The following USP12 variants were observed in gnomAD, a reference collection of about 807,000 sequenced individuals.
The protein encoded by USP12 is ubiquitin carboxyl-terminal hydrolase 12.
A neutral mutation model predicts 45.5 loss-of-function variants in USP12; 19 were observed. The ratio of observed to expected loss-of-function variants is 0.42; its 90% confidence interval spans 0.29 to 0.61. The LOEUF is 0.61. Ranked by LOEUF, USP12 falls within the 20% of genes least tolerant of loss-of-function variation. The pLI is 0.22. For synonymous variants in USP12, 149 were observed against 148.8 expected, an observed-to-expected ratio of 1.00 and a Z score of -0.01; for missense variants, 242 against 447.7, an observed-to-expected ratio of 0.54 and a Z score of 4.15.
intron 8 of USP12, 133 bp downstream of exon 8, chr13:27,070,938 G>A: frequency 1.4e-6 from 1 of 718,020 alleles, no homozygotes; most frequent in Non-Finnish European, 2.2e-6. Context: ...GTAGGAATTA[G>A]ACTACAATCT....
chr13:27,095,892 A>ATT lies in USP12; in HGVS notation c.344-64_344-63dup, dbSNP rs1874557882. 6 of 1,266,696 alleles carry ATT rather than the reference A, an allele frequency of 4.7e-6. No homozygotes were observed. In the East Asian group the frequency reaches 7.7e-5, roughly 16 times the overall value. 78.5% of individuals were successfully genotyped at this position (1,266,696 alleles called of 1,614,324 possible). A position where few individuals can be genotyped will look rare whatever the true frequency, so the allele number is the denominator to read the frequency against. On this transcript the variant is annotated intron_variant, in intron 3 of 8. Coordinates refer to ENST00000282344, the MANE Select transcript of USP12 (RefSeq NM_182488.4). ...GAATTCATAACTTCATAAAAAACCA[A>ATT]TTTATAAAAGAATATCTAGTATTGG... is the stretch of plus-strand genomic sequence containing the variant.
chr13:27,152,038 G>A (rs1422663637), intron 1 of USP12, among the ~76,000 whole-genome samples: 1 of 152,142 alleles, frequency 6.6e-6, no homozygotes, highest in Non-Finnish European at 1.5e-5. Flanking sequence ...AATGGGAACA[G>A]CCATACACTG....
intron 6 of USP12, among the ~76,000 whole-genome samples, chr13:27,086,185 A>ATATATATATAT (rs1343835143): frequency 4.2e-4 from 25 of 58,840 alleles, no homozygotes; most frequent in Non-Finnish European, 6.1e-4. Context: ...AAAAAAAAAA[A>ATATATATATAT]AAAAAAAAAA....
intron 6 of USP12, among the ~76,000 whole-genome samples, chr13:27,086,189 AAAAAAAAAATAT>A (rs1223035699): frequency 0.022 from 1,800 of 81,912 alleles, 73 homozygotes; most frequent in Non-Finnish European, 0.022. Flanking sequence ...AAAAAAAAAA[AAAAAAAAAATAT>A]ATATATATAT....
intron 1 of USP12, among the ~76,000 whole-genome samples, chr13:27,157,084 T>C (rs1011328650): frequency 6.6e-6 from 1 of 152,214 alleles, no homozygotes; most frequent in African/African-American, 2.4e-5. Flanking sequence ...AAAAATGAAC[T>C]AATAATAACA....
At position 27,067,117 on chromosome 13, in the gene USP12, T is replaced by C. The variant is rs1177141428; in HGVS notation, c.*2166A>G. Reference sequence around the variant, plus strand: ...GCTTTAATATGAAATTTAACTTGGCTTTTACGGCATGTTTTTTTTTAATGC... The same window carrying C: ...GCTTTAATATGAAATTTAACTTGGCCTTTACGGCATGTTTTTTTTTAATGC... On this transcript the variant is annotated 3_prime_UTR_variant, in exon 9 of 9. Coordinates refer to ENST00000282344, the MANE Select transcript of USP12 (RefSeq NM_182488.4). 6.6e-6 allele frequency: 1 copy of C among 152,126 alleles called. No homozygotes were observed. Among genetic ancestry groups the C allele is most frequent in the Non-Finnish European group, 1.5e-5 (1 of 68,028 alleles). 9.4% of individuals were successfully genotyped at this position (152,126 alleles called of 1,614,324 possible).
rs552240173 is a variant in USP12, at chr13:27,117,999, C to T, written c.49-1403G>A. Among the ~76,000 whole-genome samples the T allele has an allele frequency of 6.1e-5, 9 of 147,720 alleles. No homozygotes were observed. In the South Asian group the frequency reaches 1.6e-3, roughly 26 times the overall value. On this transcript the variant is annotated intron_variant, in intron 1 of 8. Transcript: ENST00000282344. Reference sequence around the variant, plus strand: ...TGAATATGTTTACCTTGAAAATTCCCGGGAAAACATACTAGATAAATATAA... The same window carrying T: ...TGAATATGTTTACCTTGAAAATTCCTGGGAAAACATACTAGATAAATATAA...
rs781140620 is a variant in USP12 at position 27,089,845 on chromosome 13, AT to A, written c.734+37del. On this transcript the variant is annotated intron_variant, in intron 6 of 8. Coordinates refer to ENST00000282344, the MANE Select transcript of USP12 (RefSeq NM_182488.4). ...CCACCTCCAACATCAATTACAAAAA[AT>A]AAAATCACTTAAAAATCCATAAAGC... 46 of 1,590,078 alleles carry A rather than the reference AT, an allele frequency of 2.9e-5. No individual in the cohort carries two copies. In the African/African-American group the frequency reaches 3.8e-4, roughly 13 times the overall value.
intron 3 of USP12, among the ~76,000 whole-genome samples, chr13:27,098,950 C>A (rs1383398813): frequency 2.0e-5 from 3 of 152,126 alleles, no homozygotes; most frequent in Non-Finnish European, 4.4e-5. Flanking sequence ...AAACAAACAA[C>A]CGGCTGGAAG....
intron 2 of USP12, among the ~76,000 whole-genome samples, chr13:27,112,344 G>T (rs1875491833): frequency 6.7e-6 from 1 of 150,292 alleles, no homozygotes. Flanking sequence ...GGGGTGCAGT[G>T]GTATGATCAT....
intron 6 of USP12, among the ~76,000 whole-genome samples, chr13:27,076,592 C>T (rs1407875832): frequency 6.6e-6 from 1 of 152,094 alleles, no homozygotes; most frequent in Non-Finnish European, 1.5e-5. Flanking sequence ...AGAAAGCATT[C>T]CCTTCATTTT....
intron 3 of USP12, among the ~76,000 whole-genome samples, chr13:27,101,969 A>T (rs1874881012): frequency 6.6e-6 from 1 of 152,122 alleles, no homozygotes; most frequent in Admixed American, 6.5e-5. Context: ...CCTAGGACTG[A>T]CAACCGTGCC....
chr13:27,160,612 G>T (rs1289444843), intron 1 of USP12, among the ~76,000 whole-genome samples: 3 of 151,686 alleles, frequency 2.0e-5, no homozygotes, highest in Non-Finnish European at 4.4e-5. Context: ...TTGAGCCTTT[G>T]ATGTTTCAAA....
chr13:27,103,765 G>C (rs1175323404), intron 3 of USP12, among the ~76,000 whole-genome samples: 2 of 144,210 alleles, frequency 1.4e-5, no homozygotes, highest in African/African-American at 2.5e-5. Context: ...AAAAAAAAGA[G>C]AGAGAGACAG....
intron 1 of USP12, among the ~76,000 whole-genome samples, chr13:27,124,200 T>C (rs1195046882): frequency 2.6e-5 from 4 of 152,120 alleles, no homozygotes; most frequent in African/African-American, 4.8e-5. Flanking sequence ...AAAAGTAAAC[T>C]AACAACCAGG....
chr13:27,154,790 A>C (rs1337349844), intron 1 of USP12, among the ~76,000 whole-genome samples: 1 of 152,146 alleles, frequency 6.6e-6, no homozygotes, highest in Non-Finnish European at 1.5e-5. Context: ...AGTATCCCAG[A>C]TTACCCAGGT....
At chr13:27,148,064 G>C (rs946399207) in intron 1 of USP12, among the ~76,000 whole-genome samples, 1 of 151,972 alleles carries the variant, frequency 6.6e-6, no homozygotes, top group African/African-American at 2.4e-5. Context: ...AAGAGGTTGA[G>C]GCTGCAGTGA....
chr13:27,131,189 GAAGA>G (rs1876483615), intron 1 of USP12, among the ~76,000 whole-genome samples: 1 of 152,196 alleles, frequency 6.6e-6, no homozygotes. Context: ...ACATTACAAA[GAAGA>G]AAGGTAAGAA....
intron 1 of USP12, chr13:27,163,036 C>T (rs762469233): frequency 2.6e-5 from 4 of 152,164 alleles, no homozygotes; most frequent in Admixed American, 1.3e-4. Context: ...TAACAACCCA[C>T]TGAACTGTCC....
Sources: allele counts gnomAD v4.1 joint callset (sites outside exome capture counted in the v4.1 genomes callset), GRCh38; gene constraint gnomAD v4.1.1; transcripts MANE v1.5; gene names NCBI Gene and HGNC (gene_info 2026-07-23, HGNC 2026-07-21).